Variants in ZNF34 observed in about 807,000 individuals in gnomAD.
ZNF34 encodes the protein zinc finger protein 34.
Under a neutral mutation model 14.4 loss-of-function variants are expected in ZNF34, and 8 were observed. That is an observed-to-expected ratio of 0.55 (90% CI 0.33 to 1.00). The LOEUF is 1.00. Ranked by LOEUF, ZNF34 falls within the 50% of genes least tolerant of loss-of-function variation. The pLI is 0.03. For synonymous variants in ZNF34, 235 were observed against 247.9 expected (o/e 0.95, Z 0.49); for missense variants, 538 against 674.2 (o/e 0.80, Z 2.24).
rs1825325778 is a variant in ZNF34 at position 144,773,908 on chromosome 8, G to A, written c.978C>T (p.Tyr326=). ...CGECGKHFSA[Y]SSLIYHQRIH... is the part of the protein sequence containing the mutation. The stretch of plus-strand genomic sequence containing the variant: ...TTCTCTGGTGATAAATCAGGGAAGA[G>A]TAGGCGCTAAAGTGCTTCCCACACT... The change falls in exon 6 of 6, where the codon TAC becomes TAT. Residue 326 remains tyrosine (Y), a synonymous_variant. Transcript: ENST00000429371. The surrounding 1 kb of genome is among the most constrained non-coding windows in gnomAD (Gnocchi z 5.4). The A allele has an allele frequency of 3.7e-6, 6 of 1,613,848 alleles. No homozygotes were observed. The highest frequency in any genetic ancestry group is 2.7e-5 in the African/African-American group (2 of 74,930).
chr8:144,778,657 G>C, intron 2 of ZNF34, 132 bp from the exon 3 acceptor site: 1 of 574,948 alleles, frequency 1.7e-6, no homozygotes, highest in South Asian at 3.5e-5. Flanking sequence ...TGTGGGTACT[G>C]CTAGCTGGCC....
intron 5 of ZNF34, among the ~76,000 whole-genome samples, chr8:144,776,929 AAAG>A: frequency 6.6e-6 from 1 of 151,590 alleles, no homozygotes; most frequent in East Asian, 1.9e-4. Context: ...AAAAAAAAAA[AAAG>A]CAGTGTCAGT....
chr8:144,776,911 CAAAA>C (rs149216566), intron 5 of ZNF34, among the ~76,000 whole-genome samples: 19 of 100,858 alleles, frequency 1.9e-4, no homozygotes, highest in Admixed American at 4.2e-4. Flanking sequence ...GACCCTGTCT[CAAAA>C]AAAAAAAAAA....
Position 144,779,151 on chromosome 8 carries a change from C to T in ZNF34, c.-54-626G>A, listed in dbSNP as rs1272299058. Among the ~76,000 whole-genome samples, 1 of 151,018 alleles carries T rather than the reference C, an allele frequency of 6.6e-6. No individual in the cohort carries two copies. Among genetic ancestry groups the T allele is most frequent in the South Asian group, 2.1e-4 (1 of 4,740 alleles). ...CCAGGGCTCAGGGCACAAAACCCCT[C>T]GTGGCTTGGATGGAATCCAGGGCTC... On this transcript the variant is annotated intron_variant, in intron 2 of 5. Transcript: ENST00000429371. The surrounding 1 kb of genome is among the most constrained non-coding windows in gnomAD (Gnocchi z 4.1).
rs1307657548 is a variant in ZNF34, at chr8:144,779,889, A to G, written c.-55+339T>C. ...AATGTTAAGGGCTAAGGAAGAAAAA[A>G]TTAAAAATGATAGAAGGGGCCAAGC... On this transcript the variant is annotated intron_variant, in intron 2 of 5. Coordinates refer to ENST00000429371, the MANE Select transcript of ZNF34 (RefSeq NM_001286769.2). This position sits in a 1 kb window ranked among gnomAD's most constrained non-coding sequence, Gnocchi z 4.1. Among the ~76,000 whole-genome samples, 26 of 152,148 alleles carry G rather than the reference A, an allele frequency of 1.7e-4. No individual in the cohort carries two copies. Among genetic ancestry groups the G allele is most frequent in the Admixed American group, 1.6e-3 (25 of 15,260 alleles).
Position 144,782,842 on chromosome 8 carries a change from C to CAAAAAAAAAAAAAAAAAAAAAA in ZNF34, c.-107-2584_-107-2563dup, listed in dbSNP as rs548252812. Reference sequence around the variant, plus strand: ...ACAGAGACAGAACCAAAGCCTATCTCAAAAAAAAAAAAAAAAAAAAAAAAA... The same window carrying CAAAAAAAAAAAAAAAAAAAAAA: ...ACAGAGACAGAACCAAAGCCTATCTCAAAAAAAAAAAAAAAAAAAAAAAAAAAAAAAAAAAAAAAAAAAAAAA... On this transcript the variant is annotated intron_variant, in intron 1 of 5. Coordinates refer to ENST00000429371, the MANE Select transcript of ZNF34 (RefSeq NM_001286769.2). 1.7e-4 allele frequency among the ~76,000 whole-genome samples: 4 copies of CAAAAAAAAAAAAAAAAAAAAAA among 22,974 alleles called. 1 individual carries two copies. The highest frequency in any genetic ancestry group is 9.3e-4 in the African/African-American group (3 of 3,224). The allele number at this position is 22,974 out of a possible 152,430, so 15.1% of individuals were successfully genotyped here.
Position 144,774,234 on chromosome 8 carries a change from T to G in ZNF34, c.652A>C (p.Lys218Gln). 7.6e-7 allele frequency: 1 copy of G among 1,318,238 alleles called. No homozygotes were observed. Among genetic ancestry groups the G allele is most frequent in the Non-Finnish European group, 1.0e-6 (1 of 984,390 alleles). 81.7% of individuals were successfully genotyped at this position (1,318,238 alleles called of 1,614,324 possible). ...CCAGTAGGAATTTTCTGATCTTCTT[T>G]AACAACTAAGTTTGCACTGAAGATT... is the stretch of plus-strand genomic sequence containing the variant. The part of the protein sequence containing the change: ...GEIFSANLVV[K>Q]EDQKIPTGKK... Residue 218 changes from lysine to glutamine, a missense_variant, in exon 6 of 6, where the codon AAA becomes CAA. By Grantham distance (53) the Lys-to-Gln change is moderately conservative. Around this residue, in one of 3 missense-constraint regions of ZNF34, gnomAD observed 431 missense variants for 525.7 expected, o/e 0.82. Coordinates refer to ENST00000429371, the MANE Select transcript of ZNF34 (RefSeq NM_001286769.2).
chr8:144,773,230 C>T lies in ZNF34; in HGVS notation c.*36G>A. On this transcript the variant is annotated 3_prime_UTR_variant, in exon 6 of 6. Transcript: ENST00000429371. This position sits in a 1 kb window ranked among gnomAD's most constrained non-coding sequence, Gnocchi z 5.4. ...GTGCCGGGGGCGCATGCAGGAAGTG[C>T]TCAGCTGGACTCTGCCCTCGGACAC... 6.4e-7 allele frequency: 1 copy of T among 1,559,650 alleles called. No homozygotes were observed.
chr8:144,782,972 G>C (rs372692256), intron 1 of ZNF34, among the ~76,000 whole-genome samples: 2 of 149,334 alleles, frequency 1.3e-5, no homozygotes, highest in South Asian at 2.1e-4. Context: ...ATGCTCCCAG[G>C]TTAAAATAAA....
intron 5 of ZNF34, among the ~76,000 whole-genome samples, chr8:144,776,782 C>G (rs1825546046): frequency 6.6e-6 from 1 of 151,390 alleles, no homozygotes; most frequent in African/African-American, 2.4e-5. Context: ...TGACACATGA[C>G]ATGCCTGTGG....
chr8:144,776,741 C>T (rs116896544), intron 5 of ZNF34, among the ~76,000 whole-genome samples: 15 of 152,012 alleles, frequency 9.9e-5, no homozygotes, highest in Non-Finnish European at 1.2e-4. Context: ...GAAACCTCGT[C>T]TCTGTAAAAA....
At position 144,774,163 on chromosome 8, in the gene ZNF34, G is replaced by A. The variant is rs1825349036; in HGVS notation, c.723C>T (p.Tyr241=). The A allele has an allele frequency of 6.2e-7, 1 of 1,613,870 alleles. No individual in the cohort carries two copies. Among genetic ancestry groups the A allele is most frequent in the Admixed American group, 1.7e-5 (1 of 59,988 alleles). ...YCSYCGKTFR[Y]SANLVKHQRL... is the part of the protein sequence containing the mutation. ...GCTGATGCTTGACAAGGTTGGCACT[G>A]TACCTGAATGTTTTCCCACAGTAAC... The change falls in exon 6 of 6, where the codon TAC becomes TAT. Residue 241 remains tyrosine (Y), a synonymous_variant. Transcript: ENST00000429371.
intron 1 of ZNF34, 106 bp from the exon 2 acceptor site, chr8:144,780,386 T>G: frequency 3.5e-6 from 3 of 849,938 alleles, no homozygotes; most frequent in Non-Finnish European, 5.5e-6. Flanking sequence ...TCTTTAAAGC[T>G]TTTTATTTAA....
chr8:144,777,421 C>T lies in ZNF34; in HGVS notation c.280+37G>A, dbSNP rs112330424. The T allele has an allele frequency of 1.0e-4, 158 of 1,548,198 alleles. 1 individual carries two copies. Among genetic ancestry groups the T allele is most frequent in the African/African-American group, 2.1e-4 (15 of 73,090 alleles). ...CCCTGGACCCCAATAAAGGCTCGTTCGGTGACTTGAGTTGGGGAGCAGATC... is the reference window on the plus strand; with the variant it reads ...CCCTGGACCCCAATAAAGGCTCGTTTGGTGACTTGAGTTGGGGAGCAGATC... On this transcript the variant is annotated intron_variant, in intron 5 of 5. Transcript: ENST00000429371. The surrounding 1 kb of genome is among the most constrained non-coding windows in gnomAD (Gnocchi z 4.8).
chr8:144,782,842 C>CAAAAAAAAAAAAAAAAAAAA lies in ZNF34; in HGVS notation c.-107-2582_-107-2563dup, dbSNP rs548252812. Among the ~76,000 whole-genome samples, 8 of 22,976 alleles carry CAAAAAAAAAAAAAAAAAAAA rather than the reference C, an allele frequency of 3.5e-4. 1 individual carries two copies. Among genetic ancestry groups the CAAAAAAAAAAAAAAAAAAAA allele is most frequent in the Non-Finnish European group, 4.5e-4 (7 of 15,670 alleles). 15.1% of individuals were successfully genotyped at this position (22,976 alleles called of 152,430 possible). On this transcript the variant is annotated intron_variant, in intron 1 of 5. Transcript: ENST00000429371. ...ACAGAGACAGAACCAAAGCCTATCTCAAAAAAAAAAAAAAAAAAAAAAAAA... is the reference window on the plus strand; with the variant it reads ...ACAGAGACAGAACCAAAGCCTATCTCAAAAAAAAAAAAAAAAAAAAAAAAAAAAAAAAAAAAAAAAAAAAA...
At position 144,779,515 on chromosome 8, in the gene ZNF34, T is replaced by C. The variant is rs1349948062; in HGVS notation, c.-55+713A>G. 6.6e-6 allele frequency among the ~76,000 whole-genome samples: 1 copy of C among 152,170 alleles called. No homozygotes were observed. Among genetic ancestry groups the C allele is most frequent in the Admixed American group, 6.5e-5 (1 of 15,280 alleles). The stretch of plus-strand genomic sequence containing the variant: ...CCCCTGGACCCACCTTAAGTACTCT[T>C]AACCTGTCTTTTCTCATTCCTTTGA... On this transcript the variant is annotated intron_variant, in intron 2 of 5. Transcript: ENST00000429371. The surrounding 1 kb of genome is among the most constrained non-coding windows in gnomAD (Gnocchi z 4.1).
In ZNF34 at chr8:144,774,295, C is replaced by T. The variant is rs369656824; in HGVS notation, c.591G>A (p.Arg197=). Residue 197 remains arginine, a synonymous_variant, in exon 6 of 6, where the codon AGG becomes AGA. Coordinates refer to ENST00000429371, the MANE Select transcript of ZNF34 (RefSeq NM_001286769.2). The part of the protein sequence containing the change: ...SYLNNHKRVH[R]SKKTNTVRNS... ...TACGAACTGTATTTGTTTTTTTTGACCTGTGTACACGCTTATGGTTGTTGA... is the reference window on the plus strand; with the variant it reads ...TACGAACTGTATTTGTTTTTTTTGATCTGTGTACACGCTTATGGTTGTTGA... 6.2e-6 allele frequency: 10 copies of T among 1,612,826 alleles called. No homozygotes were observed. In the East Asian group the frequency reaches 1.1e-4, roughly 18 times the overall value.
intron 1 of ZNF34, among the ~76,000 whole-genome samples, chr8:144,787,074 C>A (rs1408881540): frequency 3.3e-5 from 5 of 152,186 alleles, no homozygotes; most frequent in African/African-American, 1.2e-4. Context: ...GGAGCGACCC[C>A]AGGGCTGGCA....
rs1259722213 is a variant in ZNF34 at position 144,778,505 on chromosome 8, C to A, written c.-34G>T. The A allele has an allele frequency of 3.8e-6, 6 of 1,584,794 alleles. No individual in the cohort carries two copies. Among genetic ancestry groups the A allele is most frequent in the Non-Finnish European group, 4.3e-6 (5 of 1,165,976 alleles). On this transcript the variant is annotated 5_prime_UTR_variant, in exon 3 of 6. Transcript: ENST00000429371. ...GGTTGGGCTTTCTGAGGGCAGTGAG[C>A]AGGAGCTGGTCACTGAGGAGCTGAG...
Sources: allele counts gnomAD v4.1 joint callset (sites outside exome capture counted in the v4.1 genomes callset), GRCh38; gene constraint gnomAD v4.1.1; regional missense constraint gnomAD v4.1.1; non-coding constraint Gnocchi (gnomAD v3.1); transcripts MANE v1.5; gene names NCBI Gene and HGNC (gene_info 2026-07-23, HGNC 2026-07-21).